Variants in ARHGEF7 observed in about 807,000 individuals in gnomAD.
ARHGEF7 encodes the protein PAK-interacting exchange factor beta.
In ARHGEF7, 33 loss-of-function variants were observed where a neutral mutation model predicts 109.8. The observed-to-expected ratio is 0.30, with a 90% confidence interval of 0.23 to 0.40. The LOEUF (loss-of-function observed/expected upper bound fraction) is 0.40. Among genes scored for constraint, ARHGEF7 ranks in the 10% least tolerant of loss-of-function variants. The probability of loss-of-function intolerance (pLI) is 1.00; values close to 1 mark genes in which losing one functional copy is unlikely to be tolerated. For synonymous variants in ARHGEF7, 458 were observed against 424.6 expected (o/e 1.08, Z -0.97); for missense variants, 938 against 1,098.5 (o/e 0.85, Z 2.07).
intron 6 of ARHGEF7, among the ~76,000 whole-genome samples, chr13:111,237,763 G>A (rs1361820908): frequency 6.6e-6 from 1 of 152,176 alleles, no homozygotes; most frequent in Non-Finnish European, 1.5e-5. Context: ...CATGTTAAGT[G>A]CAATAACAGA....
In ARHGEF7 at chr13:111,145,542, C is replaced by T. The variant is rs2075547743; in HGVS notation, c.166-8363C>T. Among the ~76,000 whole-genome samples, 1 of 152,190 alleles carries T rather than the reference C, an allele frequency of 6.6e-6. No homozygotes were observed. Among genetic ancestry groups the T allele is most frequent in the Non-Finnish European group, 1.5e-5 (1 of 68,040 alleles). On this transcript the variant is annotated intron_variant, in intron 1 of 21. Transcript: ENST00000646102. This position sits in a 1 kb window ranked among gnomAD's most constrained non-coding sequence, Gnocchi z 4.3. ...GAGTGGTGTGTTGGTAAATGTTAAA[C>T]ACCTGGCTGTCTGGGAGGGGTGGCC... is the stretch of plus-strand genomic sequence containing the variant.
At chr13:111,200,712 A>T (rs146555704) in intron 2 of ARHGEF7, among the ~76,000 whole-genome samples, 90 of 152,352 alleles carry the variant, frequency 5.9e-4, no homozygotes, top group African/African-American at 2.1e-3. Flanking sequence ...TGATGTCTCA[A>T]CACCATCTGA....
At position 111,247,190 on chromosome 13, in the gene ARHGEF7, G is replaced by A. The variant is rs572725701; in HGVS notation, c.950+2896G>A. On this transcript the variant is annotated intron_variant, in intron 8 of 21. Transcript: ENST00000646102. ...CATTTCCATTTTAAGACTTACTTTC[G>A]TCTTTTTGTCCTATATGTGAAATTT... Among the ~76,000 whole-genome samples, 355 of 150,500 alleles carry A rather than the reference G, an allele frequency of 2.4e-3. 1 individual carries two copies. The highest frequency in any genetic ancestry group is 8.2e-3 in the African/African-American group (338 of 41,072).
intron 10 of ARHGEF7, 94 bp from the exon 11 acceptor site, chr13:111,274,637 G>A: frequency 1.6e-6 from 1 of 607,754 alleles, no homozygotes; most frequent in Non-Finnish European, 2.7e-6. Flanking sequence ...GGGTTGAAAA[G>A]TGTTAGAAAA....
At chr13:111,271,826 A>T (rs975668313) in intron 9 of ARHGEF7, among the ~76,000 whole-genome samples, 1 of 152,238 alleles carries the variant, frequency 6.6e-6, no homozygotes, top group African/African-American at 2.4e-5. Context: ...GGATATATGC[A>T]ACATTACCCT....
intron 4 of ARHGEF7, among the ~76,000 whole-genome samples, chr13:111,211,349 A>G (rs1594763908): frequency 6.6e-6 from 1 of 152,236 alleles, no homozygotes; most frequent in East Asian, 1.9e-4. Context: ...CGCCTTGGGT[A>G]AAGCTGTGAT....
At chr13:111,149,767 C>T (rs2075800541) in intron 1 of ARHGEF7, among the ~76,000 whole-genome samples, 1 of 152,184 alleles carries the variant, frequency 6.6e-6, no homozygotes, top group Non-Finnish European at 1.5e-5. Context: ...AATACACATA[C>T]ATATACAGTA....
At position 111,189,946 on chromosome 13, in the gene ARHGEF7, G is replaced by A. The variant is rs561508962; in HGVS notation, c.253-15343G>A. Among the ~76,000 whole-genome samples, 12 of 152,272 alleles carry A rather than the reference G, an allele frequency of 7.9e-5. No individual in the cohort carries two copies. The South Asian group carries it at 1.4e-3, about 18-fold the overall frequency. On this transcript the variant is annotated intron_variant, in intron 2 of 21. Transcript: ENST00000646102. Reference sequence around the variant, plus strand: ...CCCAGCTGGCTTCACCTCTCAATCCGCCCTCTAAATAGGAGACTCCAACTG... The same window carrying A: ...CCCAGCTGGCTTCACCTCTCAATCCACCCTCTAAATAGGAGACTCCAACTG...
At position 111,283,357 on chromosome 13, in the gene ARHGEF7, C is replaced by T; in HGVS notation, c.1944C>T (p.Tyr648=). Residue 648 remains tyrosine, a synonymous_variant, in exon 16 of 22, where the codon TAC becomes TAT. Coordinates refer to ENST00000646102, the MANE Select transcript of ARHGEF7 (RefSeq NM_001354046.2). The stretch of plus-strand genomic sequence containing the variant: ...TCCGGCCCTCAGCTGCTCTCTGCTA[C>T]AAGGAGGTGAGGTCCCTTGACCACT... ...PPLRPSAALC[Y]KEDLSKSPKT... is the part of the protein sequence containing the mutation. 6.5e-7 allele frequency: 1 copy of T among 1,544,048 alleles called. No homozygotes were observed. The highest frequency in any genetic ancestry group is 8.7e-7 in the Non-Finnish European group (1 of 1,148,610).
At chr13:111,118,993 C>T (rs192140182) in intron 1 of ARHGEF7, among the ~76,000 whole-genome samples, 2 of 152,252 alleles carry the variant, frequency 1.3e-5, no homozygotes, top group Admixed American at 6.5e-5. Flanking sequence ...AGGCATTTGT[C>T]TCTCAGCTCT....
rs1008926943 is a variant in ARHGEF7 at position 111,236,493 on chromosome 13, T to C, written c.759+3200T>C. On this transcript the variant is annotated intron_variant, in intron 6 of 21. Coordinates refer to ENST00000646102, the MANE Select transcript of ARHGEF7 (RefSeq NM_001354046.2). ...CCTCCCCTGGGTTATACTGTTGCTG[T>C]TGCTGTGTCTTGCTCAGTGACTCAC... is the stretch of plus-strand genomic sequence containing the variant. 3.3e-5 allele frequency among the ~76,000 whole-genome samples: 5 copies of C among 152,336 alleles called. No individual in the cohort carries two copies. The East Asian group carries it at 7.7e-4, about 23-fold the overall frequency.
chr13:111,155,641 T>A (rs2076257923), intron 2 of ARHGEF7, among the ~76,000 whole-genome samples: 1 of 152,258 alleles, frequency 6.6e-6, no homozygotes, highest in African/African-American at 2.4e-5. Flanking sequence ...TTTTACTTTT[T>A]CTTCACCTTT....
chr13:111,216,422 G>C (rs192478305), intron 4 of ARHGEF7, among the ~76,000 whole-genome samples: 69 of 152,138 alleles, frequency 4.5e-4, no homozygotes, highest in Admixed American at 4.1e-3. Flanking sequence ...CACCTGGTGG[G>C]GATAGAGGCC....
chr13:111,172,834 A>C (rs1452453763), intron 2 of ARHGEF7, among the ~76,000 whole-genome samples: 1 of 152,200 alleles, frequency 6.6e-6, no homozygotes, highest in African/African-American at 2.4e-5. Context: ...TGGCATGTAC[A>C]AACTAGGCAT....
Position 111,217,734 on chromosome 13 carries a change from A to C in ARHGEF7, c.524A>C (p.Gln175Pro). ...QLVVRAKFNF[Q>P]QTNEDELSFS... is the part of the protein sequence containing the mutation. ...GTAGTAAGAGCAAAGTTTAACTTCCAGCAGACCAATGAGGACGAGCTTTCC... is the reference window on the plus strand; with the variant it reads ...GTAGTAAGAGCAAAGTTTAACTTCCCGCAGACCAATGAGGACGAGCTTTCC... Residue 175 changes from glutamine (Q) to proline (P), a missense_variant, in exon 5 of 22, where the codon CAG (glutamine) becomes CCG (proline). Physicochemically the swap from Gln to Pro is moderately conservative, Grantham distance 76 (BLOSUM62 -1). Coordinates refer to ENST00000646102, the MANE Select transcript of ARHGEF7 (RefSeq NM_001354046.2). 6.2e-7 allele frequency: 1 copy of C among 1,614,268 alleles called. No homozygotes were observed. The highest frequency in any genetic ancestry group is 8.5e-7 in the Non-Finnish European group (1 of 1,180,046).
intron 8 of ARHGEF7, chr13:111,265,788 G>A: frequency 4.4e-6 from 2 of 452,764 alleles, no homozygotes; most frequent in Non-Finnish European, 8.9e-6. Context: ...AGCTGTGAGG[G>A]AGCTGTTTTG....
chr13:111,259,055 C>A (rs2090787603), intron 8 of ARHGEF7, among the ~76,000 whole-genome samples: 1 of 152,180 alleles, frequency 6.6e-6, no homozygotes, highest in African/African-American at 2.4e-5. Flanking sequence ...AAGAAATATT[C>A]AACTGCAGTA....
intron 8 of ARHGEF7, among the ~76,000 whole-genome samples, chr13:111,245,074 C>T (rs559546510): frequency 1.4e-4 from 21 of 152,306 alleles, no homozygotes; most frequent in African/African-American, 4.6e-4. Flanking sequence ...GGTTGTGTGA[C>T]GTGCGGTCAG....
intron 8 of ARHGEF7, among the ~76,000 whole-genome samples, chr13:111,254,566 CACT>C (rs2090209158): frequency 6.7e-6 from 1 of 150,330 alleles, no homozygotes; most frequent in African/African-American, 2.5e-5. Flanking sequence ...GGCGCTGAGT[CACT>C]AACGTGAAGG....
Sources: gnomAD v4.1 joint callset for allele counts (sites outside exome capture counted in the v4.1 genomes callset) on GRCh38, gnomAD v4.1.1 for gene constraint, Gnocchi (gnomAD v3.1) non-coding constraint, MANE v1.5 for transcripts, NCBI Gene and HGNC (gene_info 2026-07-23, HGNC 2026-07-21) for gene names.